Variants in SMYD3 observed in about 807,000 individuals in gnomAD.
SMYD3 encodes the protein SET and MYND domain containing 3.
SMYD3 carries 36 observed loss-of-function variants against 57.7 expected under a neutral mutation model. That is an observed-to-expected ratio of 0.62 (90% CI 0.48 to 0.82). The LOEUF (loss-of-function observed/expected upper bound fraction) is 0.82. Among genes scored for constraint, SMYD3 ranks in the 40% least tolerant of loss-of-function variants. SMYD3 has a pLI of 0.00. For synonymous variants in SMYD3, 211 were observed against 195.0 expected (o/e 1.08, Z -0.68); for missense variants, 515 against 538.8 (o/e 0.96, Z 0.44).
At chr1:246,261,734 T>C (rs931917685) in intron 5 of SMYD3, among the ~76,000 whole-genome samples, 1 of 152,094 alleles carries the variant, frequency 6.6e-6, no homozygotes, top group African/African-American at 2.4e-5. Context: ...CTCTGTTGCA[T>C]AGAAGGAGAA....
chr1:246,493,620 C>T (rs1043726175), intron 1 of SMYD3, among the ~76,000 whole-genome samples: 14 of 152,204 alleles, frequency 9.2e-5, no homozygotes, highest in African/African-American at 3.1e-4. Context: ...TGGGAGATCA[C>T]ACTCACACCA....
chr1:245,905,952 T>C (rs2054533882), intron 8 of SMYD3, among the ~76,000 whole-genome samples: 1 of 152,180 alleles, frequency 6.6e-6, no homozygotes, highest in South Asian at 2.1e-4. Flanking sequence ...TGCAAAAGAA[T>C]GAAACTACAC....
At chr1:246,160,543 A>G (rs933566842) in intron 5 of SMYD3, among the ~76,000 whole-genome samples, 6 of 152,190 alleles carry the variant, frequency 3.9e-5, no homozygotes, top group African/African-American at 1.4e-4. Flanking sequence ...CCAGAGCCGA[A>G]GGATGTTTGA....
Position 246,276,094 on chromosome 1 carries a change from A to G in SMYD3, c.531+51107T>C, listed in dbSNP as rs1318766354. 1.6e-5 allele frequency among the ~76,000 whole-genome samples: 2 copies of G among 121,370 alleles called. 1 individual carries two copies. The highest frequency in any genetic ancestry group is 1.7e-4 in the Admixed American group (2 of 11,960). 79.6% of individuals were successfully genotyped at this position (121,370 alleles called of 152,430 possible). On this transcript the variant is annotated intron_variant, in intron 5 of 11. Coordinates refer to ENST00000490107, the MANE Select transcript of SMYD3 (RefSeq NM_001167740.2). ...TGGAGTCTGATGCCCAAGTTTGAATACTAACTCTGTTTTTCACTAGTCGTA... is the reference window on the plus strand; with the variant it reads ...TGGAGTCTGATGCCCAAGTTTGAATGCTAACTCTGTTTTTCACTAGTCGTA...
chr1:246,122,408 G>C (rs147246286), intron 5 of SMYD3, among the ~76,000 whole-genome samples: 230 of 152,318 alleles, frequency 1.5e-3, no homozygotes, highest in Non-Finnish European at 2.6e-3. Flanking sequence ...AACAAAGAGA[G>C]TGCTGTTTCT....
intron 10 of SMYD3, among the ~76,000 whole-genome samples, chr1:245,798,493 C>T (rs868591863): frequency 1.1e-5 from 1 of 88,830 alleles, no homozygotes. Context: ...ACCACACACA[C>T]ACACACACAC....
At chr1:246,255,806 A>T (rs2063875062) in intron 5 of SMYD3, among the ~76,000 whole-genome samples, 1 of 149,730 alleles carries the variant, frequency 6.7e-6, no homozygotes, top group South Asian at 2.1e-4. Context: ...GTAGGTTTTA[A>T]ATTACTGATT....
chr1:245,795,939 G>A (rs981341190), intron 10 of SMYD3, among the ~76,000 whole-genome samples: 1 of 152,106 alleles, frequency 6.6e-6, no homozygotes, highest in African/African-American at 2.4e-5. Context: ...CTCTATCTTA[G>A]TAACCCTATC....
intron 5 of SMYD3, among the ~76,000 whole-genome samples, chr1:246,005,256 A>G (rs774635716): frequency 6.6e-6 from 1 of 152,264 alleles, no homozygotes; most frequent in African/African-American, 2.4e-5. Flanking sequence ...TTAATTAGCC[A>G]GATAGAGCAA....
intron 10 of SMYD3, among the ~76,000 whole-genome samples, chr1:245,783,364 C>T (rs1378476671): frequency 6.6e-6 from 1 of 152,132 alleles, no homozygotes; most frequent in East Asian, 1.9e-4. Context: ...CTGAGCATAT[C>T]CATCTGTTGT....
chr1:246,446,955 G>C (rs983834060), intron 1 of SMYD3, among the ~76,000 whole-genome samples: 1 of 151,670 alleles, frequency 6.6e-6, no homozygotes, highest in Non-Finnish European at 1.5e-5. Context: ...CTTGAACCCG[G>C]GAGGCGAAGG....
In SMYD3 at chr1:246,119,362, C is replaced by T. The variant is rs535367848; in HGVS notation, c.532-189425G>A. 2.2e-4 allele frequency among the ~76,000 whole-genome samples: 34 copies of T among 151,476 alleles called. 1 individual carries two copies. Among genetic ancestry groups the T allele is most frequent in the Admixed American group, 6.6e-4 (10 of 15,208 alleles). On this transcript the variant is annotated intron_variant, in intron 5 of 11. Transcript: ENST00000490107. ...TCTGCCACTGTAGTTGGGTCTCTGT[C>T]TTGCAGCTAAGTCCAAGCTGTAACT...
intron 5 of SMYD3, among the ~76,000 whole-genome samples, chr1:246,133,364 T>A (rs12060229): frequency 0.26 from 39,719 of 151,838 alleles, 6,131 homozygotes; most frequent in East Asian, 0.43. Flanking sequence ...CCCACCAAGT[T>A]GGGAAAGGAT....
chr1:245,878,817 T>C lies in SMYD3; in HGVS notation c.814-14931A>G, dbSNP rs76740565. ...GTTGATGTCATCAGCAGTTGGAGGG[T>C]TGGAGAGGGACAACGCAGGGATGGC... On this transcript the variant is annotated intron_variant, in intron 8 of 11. Transcript: ENST00000490107. 3.5e-3 allele frequency among the ~76,000 whole-genome samples: 534 copies of C among 152,024 alleles called. 7 individuals carry two copies. In the East Asian group the frequency reaches 0.048, roughly 14 times the overall value.
At chr1:245,810,554 G>A (rs2817479) in intron 10 of SMYD3, among the ~76,000 whole-genome samples, 2 of 151,946 alleles carry the variant, frequency 1.3e-5, no homozygotes, top group Non-Finnish European at 2.9e-5. Context: ...CTGCAGCCAC[G>A]GAGTTGAAGG....
chr1:246,116,415 A>G (rs541972879), intron 5 of SMYD3, among the ~76,000 whole-genome samples: 28 of 152,344 alleles, frequency 1.8e-4, no homozygotes, highest in African/African-American at 6.5e-4. Context: ...TAAAACACAC[A>G]TAATGGATTT....
Position 246,482,388 on chromosome 1 carries a change from T to C in SMYD3, c.164+24666A>G, listed in dbSNP as rs535419737. ...ACTTCTTACCCCCATATAAATTGAT[T>C]TATCATGTGTCTACATCTATCACAT... On this transcript the variant is annotated intron_variant, in intron 1 of 11. Transcript: ENST00000490107. 7.2e-5 allele frequency among the ~76,000 whole-genome samples: 11 copies of C among 152,306 alleles called. No homozygotes were observed. In the South Asian group the frequency reaches 2.3e-3, roughly 32 times the overall value.
At chr1:245,945,183 A>G (rs970133061) in intron 5 of SMYD3, among the ~76,000 whole-genome samples, 8 of 152,176 alleles carry the variant, frequency 5.3e-5, no homozygotes, top group Non-Finnish European at 8.8e-5. Context: ...AACTGTCATC[A>G]GAGCAAACAG....
intron 1 of SMYD3, among the ~76,000 whole-genome samples, chr1:246,436,442 CAAT>C (rs765896785): frequency 3.3e-5 from 5 of 152,146 alleles, no homozygotes; most frequent in Non-Finnish European, 7.3e-5. Flanking sequence ...ATAAAAGTCA[CAAT>C]AATAGCACAG....
Sources: allele counts gnomAD v4.1 joint callset (sites outside exome capture counted in the v4.1 genomes callset), GRCh38; gene constraint gnomAD v4.1.1; transcripts MANE v1.5; gene names NCBI Gene and HGNC (gene_info 2026-07-23, HGNC 2026-07-21).